Variants in APC observed in about 807,000 individuals in gnomAD.
The protein encoded by APC is adenomatous polyposis coli protein.
APC carries 72 observed loss-of-function variants against 247.0 expected under a neutral mutation model. That is an observed-to-expected ratio of 0.29 (90% CI 0.24 to 0.35). APC has a LOEUF of 0.35. Among genes scored for constraint, APC ranks in the 10% least tolerant of loss-of-function variants. The pLI, the probability that APC is intolerant of heterozygous loss-of-function variation, is 1.00. For missense variants in APC, 3,400 were observed against 3,360.7 expected, an observed-to-expected ratio of 1.01 and a Z score of -0.29; for synonymous variants, 1,254 against 1,162.5, an observed-to-expected ratio of 1.08 and a Z score of -1.60.
intron 1 of APC, among the ~76,000 whole-genome samples, chr5:112,724,187 C>T (rs1277187858): frequency 3.3e-5 from 5 of 152,036 alleles, no homozygotes; most frequent in Non-Finnish European, 7.4e-5. Context: ...AGTATACATA[C>T]TCTTCATCCA....
At position 112,843,189 on chromosome 5, in the gene APC, A is replaced by G. The variant is rs752702756; in HGVS notation, c.7595A>G (p.His2532Arg). ...AAGCGCCATGATATTGCACGGTCTC[A>G]TTCTGAAAGTCCTTCTAGACTTCCA... ...PAKRHDIARS[H>R]SESPSRLPIN... The change falls in exon 16 of 16, where the codon CAT (histidine) becomes CGT (arginine). Residue 2532 changes from histidine to arginine, a missense_variant. His to Arg is a conservative substitution (Grantham distance 29, BLOSUM62 0). This residue lies in a region of APC where 1,788 missense variants were observed against 1,649.5 expected (regional missense o/e 1.08). Transcript: ENST00000257430. The surrounding 1 kb of genome is among the most constrained non-coding windows in gnomAD (Gnocchi z 4.8). The G allele has an allele frequency of 5.0e-6, 8 of 1,613,432 alleles. No homozygotes were observed. The highest frequency in any genetic ancestry group is 5.1e-6 in the Non-Finnish European group (6 of 1,179,354).
At chr5:112,744,434 T>C (rs1753410324) in intron 1 of APC, among the ~76,000 whole-genome samples, 1 of 152,196 alleles carries the variant, frequency 6.6e-6, no homozygotes, top group Admixed American at 6.5e-5. Flanking sequence ...AAGCTAAGTA[T>C]TAGATATAGA....
rs762682111 is a variant in APC, at chr5:112,841,368, C to T, written c.5774C>T (p.Pro1925Leu). 6.2e-7 allele frequency: 1 copy of T among 1,613,390 alleles called. No individual in the cohort carries two copies. The highest frequency in any genetic ancestry group is 1.3e-5 in the African/African-American group (1 of 74,884). Residue 1925 changes from proline (P) to leucine (L), a missense_variant, in exon 16 of 16, where the codon CCC becomes CTC. Pro to Leu is a moderately conservative substitution (Grantham distance 98). Transcript: ENST00000257430. The surrounding 1 kb of genome is among the most constrained non-coding windows in gnomAD (Gnocchi z 4.6). ...KQPINRGQPK[P>L]ILQKQSTFPQ... Reference sequence around the variant, plus strand: ...CCAATAAATCGAGGTCAGCCTAAACCCATACTTCAGAAACAATCCACTTTT... The same window carrying T: ...CCAATAAATCGAGGTCAGCCTAAACTCATACTTCAGAAACAATCCACTTTT...
At position 112,780,478 on chromosome 5, in the gene APC, A is replaced by T. The variant is rs543746091; in HGVS notation, c.532-312A>T. 8.5e-5 allele frequency among the ~76,000 whole-genome samples: 13 copies of T among 152,312 alleles called. No homozygotes were observed. In the South Asian group the frequency reaches 1.7e-3, roughly 19 times the overall value. ...TGCCTCTTCAGTAGAGAAGAGTCAT[A>T]AGGCAACTGAATTTAACCTCACTCT... is the stretch of plus-strand genomic sequence containing the variant. On this transcript the variant is annotated intron_variant, in intron 5 of 15. Coordinates refer to ENST00000257430, the MANE Select transcript of APC (RefSeq NM_000038.6).
At chr5:112,806,349 C>T (rs77288644) in intron 8 of APC, among the ~76,000 whole-genome samples, 1 of 152,082 alleles carries the variant, frequency 6.6e-6, no homozygotes, top group Admixed American at 6.6e-5. Flanking sequence ...TTTTCATACC[C>T]ACACAGTCCC....
chr5:112,814,446 G>A (rs763510584), intron 8 of APC, among the ~76,000 whole-genome samples: 1 of 152,062 alleles, frequency 6.6e-6, no homozygotes, highest in Non-Finnish European at 1.5e-5. Flanking sequence ...ATCCAAGCTT[G>A]ACACCTCCAA....
At chr5:112,818,895 A>G (rs952649679) in intron 9 of APC, 71 bp from the exon 10 acceptor site, 3 of 1,511,368 alleles carry the variant, frequency 2.0e-6, no homozygotes, top group Non-Finnish European at 2.7e-6. Flanking sequence ...TATCCCATTC[A>G]TCACTTAATT....
chr5:112,832,392 C>G (rs1580590318), intron 14 of APC, among the ~76,000 whole-genome samples: 2 of 152,212 alleles, frequency 1.3e-5, no homozygotes, highest in African/African-American at 4.8e-5. Context: ...GACAAAGGCA[C>G]TTCTTGCATA....
intron 15 of APC, among the ~76,000 whole-genome samples, chr5:112,835,464 TA>T (rs903337192): frequency 1.3e-5 from 2 of 151,852 alleles, no homozygotes; most frequent in African/African-American, 4.8e-5. Flanking sequence ...TAGTATAGTA[TA>T]AAAGAGTATG....
chr5:112,751,676 A>G (rs1754384155), intron 1 of APC, among the ~76,000 whole-genome samples: 1 of 151,882 alleles, frequency 6.6e-6, no homozygotes, highest in African/African-American at 2.4e-5. Context: ...GCCAAATTAT[A>G]TTATTATAAT....
chr5:112,741,103 T>G (rs569182367), intron 1 of APC, among the ~76,000 whole-genome samples: 168 of 152,320 alleles, frequency 1.1e-3, no homozygotes, highest in African/African-American at 3.9e-3. Context: ...TCACTACATA[T>G]TTATTAGGAT....
chr5:112,719,411 TG>T (rs1751358770), intron 1 of APC, among the ~76,000 whole-genome samples: 1 of 150,446 alleles, frequency 6.6e-6, no homozygotes, highest in South Asian at 2.1e-4. Flanking sequence ...TTAGTAGAGG[TG>T]GGGTTTTACC....
At chr5:112,725,253 G>A (rs982171768) in intron 1 of APC, among the ~76,000 whole-genome samples, 1 of 152,096 alleles carries the variant, frequency 6.6e-6, no homozygotes, top group Non-Finnish European at 1.5e-5. Context: ...GATTACAGGC[G>A]TGAGCCACTG....
intron 1 of APC, among the ~76,000 whole-genome samples, chr5:112,732,144 CT>C (rs1157867549): frequency 2.0e-5 from 3 of 152,146 alleles, no homozygotes. Context: ...ACCGGGAAAG[CT>C]TTTTGACAGG....
upstream of APC, among the ~76,000 whole-genome samples, chr5:112,736,756 A>G (rs1189018921): frequency 1.3e-5 from 2 of 152,164 alleles, no homozygotes; most frequent in African/African-American, 2.4e-5. Context: ...TCTACTAAAA[A>G]TACAAAACTT....
At chr5:112,819,405 C>T in intron 10 of APC, 61 bp downstream of exon 10, 1 of 1,604,684 alleles carries the variant, frequency 6.2e-7, no homozygotes, top group East Asian at 2.2e-5. Flanking sequence ...AATTTTTAAA[C>T]AGAAAACATG....
chr5:112,836,658 T>C (rs1392874821), intron 15 of APC, among the ~76,000 whole-genome samples: 1 of 152,204 alleles, frequency 6.6e-6, no homozygotes, highest in Non-Finnish European at 1.5e-5. Flanking sequence ...TTTACTTGAT[T>C]TTTTAAAAAT....
In APC at chr5:112,818,850, G is replaced by GT. The variant is rs1225519400; in HGVS notation, c.934-116_934-115insT. ...CGGTTTTTTGTTTTTTTTTTGGCGG[G>GT]GGGGGTTGTTTTGTTTTTTTAGAGT... On this transcript the variant is annotated intron_variant, in intron 9 of 15. Transcript: ENST00000257430. The GT allele has an allele frequency of 8.4e-6, 9 of 1,066,034 alleles. 1 individual carries two copies. The highest frequency in any genetic ancestry group is 5.2e-5 in the East Asian group (2 of 38,480). The allele number at this position is 1,066,034 out of a possible 1,614,324, so 66.0% of individuals were successfully genotyped here.
At chr5:112,713,364 A>G (rs1325394124) in intron 1 of APC, among the ~76,000 whole-genome samples, 2 of 150,970 alleles carry the variant, frequency 1.3e-5, no homozygotes, top group Admixed American at 6.6e-5. Context: ...CAGGCATCAC[A>G]TTCTCCAAAG....
Sources: gnomAD v4.1 joint callset for allele counts (sites outside exome capture counted in the v4.1 genomes callset) on GRCh38, gnomAD v4.1.1 for gene constraint, gnomAD v4.1.1 regional missense constraint, Gnocchi (gnomAD v3.1) non-coding constraint, MANE v1.5 for transcripts, NCBI Gene and HGNC (gene_info 2026-07-23, HGNC 2026-07-21) for gene names.